The following GRM1 variants were observed in gnomAD, a reference collection of about 807,000 sequenced individuals.
GRM1 encodes the protein metabotropic glutamate receptor 1.
In GRM1, 33 loss-of-function variants were observed where a neutral mutation model predicts 90.9. The observed-to-expected ratio is 0.36, with a 90% CI of 0.28 to 0.49. GRM1 has a LOEUF of 0.49. GRM1 is among the 20% of genes least tolerant of loss of function. GRM1 has a pLI of 0.99. For missense variants in GRM1, 1,190 were observed against 1,534.3 expected, an observed-to-expected ratio of 0.78 and a Z score of 3.75; for synonymous variants, 700 against 613.2, an observed-to-expected ratio of 1.14 and a Z score of -2.09.
In GRM1 at chr6:146,352,165, A is replaced by AC. The variant is rs375384900; in HGVS notation, c.1187-80dup. The stretch of plus-strand genomic sequence containing the variant: ...CATTGCTCATTCCCTTCCTCTGAGA[A>AC]CCCCCAAAAGCATTTGAGAATTAAA... On this transcript the variant is annotated intron_variant, in intron 3 of 7. Transcript: ENST00000282753. 3.4e-4 allele frequency: 477 copies of AC among 1,397,652 alleles called. 3 individuals are homozygous for AC. In the African/African-American group the frequency reaches 6.1e-3, roughly 18 times the overall value. 86.6% of individuals were successfully genotyped at this position (1,397,652 alleles called of 1,614,324 possible).
At chr6:146,376,815 CA>C (rs1420094758) in intron 5 of GRM1, among the ~76,000 whole-genome samples, 1 of 152,112 alleles carries the variant, frequency 6.6e-6, no homozygotes, top group African/African-American at 2.4e-5. Context: ...TGTCCACACC[CA>C]AATGTCAAAT....
intron 2 of GRM1, among the ~76,000 whole-genome samples, chr6:146,262,478 G>A (rs1376582616): frequency 1.3e-5 from 2 of 151,682 alleles, no homozygotes; most frequent in Non-Finnish European, 2.9e-5. Flanking sequence ...AATATTTCAA[G>A]GTAATGCATG....
chr6:146,042,976 G>T (rs1791171745), intron 1 of GRM1, among the ~76,000 whole-genome samples: 2 of 151,968 alleles, frequency 1.3e-5, no homozygotes, highest in Admixed American at 1.3e-4. Flanking sequence ...TCATCTGGGA[G>T]ATCATTACCA....
intron 2 of GRM1, among the ~76,000 whole-genome samples, chr6:146,200,824 G>C (rs1779274515): frequency 6.6e-6 from 1 of 152,038 alleles, no homozygotes; most frequent in Non-Finnish European, 1.5e-5. Context: ...GAACTGGGTA[G>C]AAAAAGAATC....
chr6:146,207,288 GTGTT>G (rs1238874655), intron 2 of GRM1, among the ~76,000 whole-genome samples: 1 of 152,052 alleles, frequency 6.6e-6, no homozygotes, highest in Non-Finnish European at 1.5e-5. Context: ...CAGTGTATAA[GTGTT>G]TGTAATAACA....
At chr6:146,145,542 A>G (rs781179030) in intron 1 of GRM1, among the ~76,000 whole-genome samples, 2 of 152,198 alleles carry the variant, frequency 1.3e-5, no homozygotes, top group East Asian at 1.9e-4. Context: ...TCTGGTAAAT[A>G]TAAGTTGTAA....
intron 7 of GRM1, among the ~76,000 whole-genome samples, chr6:146,418,206 ATATACAGTT>A (rs1337002422): frequency 2.6e-5 from 4 of 152,046 alleles, no homozygotes; most frequent in African/African-American, 9.7e-5. Flanking sequence ...ATATCTTTTA[ATATACAGTT>A]TTAGAATGTT....
intron 3 of GRM1, among the ~76,000 whole-genome samples, chr6:146,329,207 T>A (rs760741709): frequency 2.6e-5 from 4 of 152,208 alleles, no homozygotes; most frequent in Non-Finnish European, 5.9e-5. Flanking sequence ...AAGGTGAGTG[T>A]GTGATACACA....
At chr6:146,072,626 A>G (rs1015213100) in intron 1 of GRM1, among the ~76,000 whole-genome samples, 6 of 152,174 alleles carry the variant, frequency 3.9e-5, no homozygotes, top group African/African-American at 1.4e-4. Context: ...TGGCATATAT[A>G]GCTATTAGAT....
At chr6:146,132,899 C>T (rs894376554) in intron 1 of GRM1, among the ~76,000 whole-genome samples, 2 of 152,202 alleles carry the variant, frequency 1.3e-5, no homozygotes, top group Non-Finnish European at 2.9e-5. Context: ...TCTCCAAAGG[C>T]CTAGTTCTAC....
intron 1 of GRM1, among the ~76,000 whole-genome samples, chr6:146,099,400 T>C (rs972918275): frequency 2.0e-5 from 3 of 152,100 alleles, no homozygotes; most frequent in Non-Finnish European, 4.4e-5. Context: ...ATAATCTGTG[T>C]TAAAACTACC....
rs1463254249 is a variant in GRM1 at position 146,030,091 on chromosome 6, C to T, written c.574C>T (p.Leu192=). The change falls in exon 1 of 8, where the codon CTG becomes TTG. Residue 192 remains leucine, a synonymous_variant. Coordinates refer to ENST00000282753, the MANE Select transcript of GRM1 (RefSeq NM_001278064.2). ...QIAYSATSID[L]SDKTLYKYFL... is the part of the protein sequence containing the mutation. Reference sequence around the variant, plus strand: ...CGCTTATTCAGCCACAAGCATCGACCTGAGTGACAAAACTTTGTACAAATA... The same window carrying T: ...CGCTTATTCAGCCACAAGCATCGACTTGAGTGACAAAACTTTGTACAAATA... 6.2e-7 allele frequency: 1 copy of T among 1,614,058 alleles called. No homozygotes were observed. Among genetic ancestry groups the T allele is most frequent in the Non-Finnish European group, 8.5e-7 (1 of 1,180,018 alleles).
intron 1 of GRM1, among the ~76,000 whole-genome samples, chr6:146,074,101 G>A (rs927022808): frequency 2.5e-4 from 38 of 152,158 alleles, no homozygotes; most frequent in East Asian, 1.5e-3. Context: ...AAGAGATACC[G>A]AGATAAAAAG....
chr6:146,395,604 T>C (rs1776898730), intron 6 of GRM1, among the ~76,000 whole-genome samples: 1 of 152,138 alleles, frequency 6.6e-6, no homozygotes, highest in South Asian at 2.1e-4. Flanking sequence ...ACAATAAGTA[T>C]CTAATAAAAT....
intron 1 of GRM1, among the ~76,000 whole-genome samples, chr6:146,133,161 G>T (rs2128880937): frequency 6.6e-6 from 1 of 152,274 alleles, no homozygotes; most frequent in Admixed American, 6.5e-5. Flanking sequence ...TACCTATGTG[G>T]TTCATTAATT....
rs144612470 is a variant in GRM1, at chr6:146,176,679, T to C, written c.950+17082T>C. 7.9e-5 allele frequency among the ~76,000 whole-genome samples: 12 copies of C among 152,246 alleles called. No homozygotes were observed. The East Asian group carries it at 2.3e-3, about 29-fold the overall frequency. ...GATATATTAAATATTGTATATTTTC[T>C]AAGCAACAATGAAGTTGTACTATTC... On this transcript the variant is annotated intron_variant, in intron 2 of 7. Coordinates refer to ENST00000282753, the MANE Select transcript of GRM1 (RefSeq NM_001278064.2).
chr6:146,071,896 A>C (rs1776028835), intron 1 of GRM1, among the ~76,000 whole-genome samples: 1 of 152,150 alleles, frequency 6.6e-6, no homozygotes, highest in Non-Finnish European at 1.5e-5. Context: ...GGCTGAGGCA[A>C]CTTTTTCAAT....
intron 2 of GRM1, among the ~76,000 whole-genome samples, chr6:146,278,930 C>G (rs1446548716): frequency 6.6e-6 from 1 of 152,154 alleles, no homozygotes. Flanking sequence ...TGGTCTCAAT[C>G]TCTTGACCTC....
chr6:146,274,740 AAC>A (rs920621327), intron 2 of GRM1, among the ~76,000 whole-genome samples: 4 of 152,232 alleles, frequency 2.6e-5, no homozygotes, highest in African/African-American at 9.6e-5. Flanking sequence ...GAATGAAGAA[AAC>A]AGAGGATAAC....
Sources: gnomAD v4.1 joint callset for allele counts (sites outside exome capture counted in the v4.1 genomes callset) on GRCh38, gnomAD v4.1.1 for gene constraint, MANE v1.5 for transcripts, NCBI Gene and HGNC (gene_info 2026-07-23, HGNC 2026-07-21) for gene names.